SOX5: variants seen among roughly 807,000 people sequenced by gnomAD.
SOX5 encodes transcription factor SOX-5.
A neutral mutation model predicts 92.0 loss-of-function variants in SOX5; 9 were observed. The ratio of observed to expected loss-of-function variants is 0.10; its 90% confidence interval spans 0.06 to 0.17. The LOEUF is 0.17. Ranked by LOEUF, SOX5 falls within the 10% of genes least tolerant of loss-of-function variation. The probability of loss-of-function intolerance (pLI) is 1.00; values close to 1 mark genes in which losing one functional copy is unlikely to be tolerated. For synonymous variants in SOX5, 344 were observed against 336.3 expected (o/e 1.02, Z -0.25); for missense variants, 642 against 944.5 (o/e 0.68, Z 4.20).
intron 4 of SOX5, among the ~76,000 whole-genome samples, chr12:24,059,052 C>T (rs1425471038): frequency 6.6e-6 from 1 of 151,910 alleles, no homozygotes; most frequent in East Asian, 1.9e-4. Context: ...TATAACATTT[C>T]AGGGGTTTAA....
chr12:23,734,669 A>G lies in SOX5; in HGVS notation c.810+15T>C. The G allele has an allele frequency of 6.3e-7, 1 of 1,588,300 alleles. No homozygotes were observed. The highest frequency in any genetic ancestry group is 1.1e-5 in the South Asian group (1 of 89,758). On this transcript the variant is annotated intron_variant, in intron 6 of 14. Transcript: ENST00000451604. The stretch of plus-strand genomic sequence containing the variant: ...TTTTTTAAATTGTAAGTATATTGAA[A>G]TTATGATTTCTGACCTGGATCTGTT...
intron 6 of SOX5, among the ~76,000 whole-genome samples, chr12:23,717,818 ACACTGTACT>A (rs2092594922): frequency 6.6e-6 from 1 of 152,244 alleles, no homozygotes; most frequent in African/African-American, 2.4e-5. Flanking sequence ...CTTTAAGTTA[ACACTGTACT>A]GCAAAGAGAA....
At chr12:23,980,456 A>ATG (rs1410780755) in intron 4 of SOX5, among the ~76,000 whole-genome samples, 1 of 152,124 alleles carries the variant, frequency 6.6e-6, no homozygotes, top group East Asian at 1.9e-4. Flanking sequence ...TCTCAACACA[A>ATG]TGTAGTAAGA....
chr12:24,529,653 A>G (rs1336441104), intron 1 of SOX5, among the ~76,000 whole-genome samples: 2 of 152,230 alleles, frequency 1.3e-5, no homozygotes, highest in Non-Finnish European at 2.9e-5. Flanking sequence ...ACCAAAATGA[A>G]CAAAATGCAA....
chr12:24,269,867 T>TTTTTA (rs1943495305), intron 3 of SOX5, among the ~76,000 whole-genome samples: 1 of 74,862 alleles, frequency 1.3e-5, no homozygotes, highest in Admixed American at 1.8e-4. Context: ...TTTTTTTTTT[T>TTTTTA]GAGACAAGGT....
At chr12:24,435,512 T>C (rs1939235385) in intron 1 of SOX5, among the ~76,000 whole-genome samples, 1 of 152,222 alleles carries the variant, frequency 6.6e-6, no homozygotes, top group South Asian at 2.1e-4. Context: ...TTTCTACTAC[T>C]AGATTATACA....
chr12:24,266,763 A>C (rs1943075028), intron 3 of SOX5, among the ~76,000 whole-genome samples: 1 of 152,186 alleles, frequency 6.6e-6, no homozygotes, highest in Non-Finnish European at 1.5e-5. Context: ...TGTTCCGCCT[A>C]ATGTACTGCA....
intron 6 of SOX5, among the ~76,000 whole-genome samples, chr12:23,685,912 T>A (rs1349675405): frequency 5.3e-5 from 8 of 152,174 alleles, no homozygotes; most frequent in Non-Finnish European, 1.0e-4. Flanking sequence ...TTATTGACTA[T>A]CAGCTGCAGT....
intron 6 of SOX5, among the ~76,000 whole-genome samples, chr12:23,714,558 T>C (rs1382566401): frequency 1.3e-5 from 2 of 152,084 alleles, no homozygotes; most frequent in African/African-American, 2.4e-5. Context: ...GAGGCGGAGG[T>C]TGCGGTGAGC....
chr12:24,283,817 A>T (rs1945505596), intron 2 of SOX5, among the ~76,000 whole-genome samples: 1 of 152,216 alleles, frequency 6.6e-6, no homozygotes, highest in Non-Finnish European at 1.5e-5. Flanking sequence ...AAAGCCATTA[A>T]TTTATAACAG....
chr12:23,680,112 G>A (rs1305668266), intron 6 of SOX5, among the ~76,000 whole-genome samples: 16 of 151,806 alleles, frequency 1.1e-4, no homozygotes, highest in Admixed American at 1.0e-3. Flanking sequence ...CATCGCTTGA[G>A]CTCAGGAGTT....
intron 1 of SOX5, among the ~76,000 whole-genome samples, chr12:23,925,140 T>C (rs113927275): frequency 3.1e-4 from 47 of 152,144 alleles, no homozygotes; most frequent in African/African-American, 1.1e-3. Flanking sequence ...ATTTTCATAA[T>C]GTAGCTACAG....
rs550166787 is a variant in SOX5, at chr12:24,270,109, T to C, written c.-77+7107A>G. ...CAGAGTCTCACTTTGTCGTCCAGGCTGGAGTGCAGTGGCACGATCTCAGCT... is the reference window on the plus strand; with the variant it reads ...CAGAGTCTCACTTTGTCGTCCAGGCCGGAGTGCAGTGGCACGATCTCAGCT... On this transcript the variant is annotated intron_variant, in intron 3 of 4. Transcript: ENST00000446891. Among the ~76,000 whole-genome samples, 82 of 152,204 alleles carry C rather than the reference T, an allele frequency of 5.4e-4. 1 individual carries two copies. The South Asian group carries it at 0.017, about 31-fold the overall frequency.
At chr12:23,693,114 T>C (rs372237025) in intron 6 of SOX5, among the ~76,000 whole-genome samples, 1 of 9,620 alleles carries the variant, frequency 1.0e-4, no homozygotes, top group African/African-American at 1.4e-4. Flanking sequence ...TATTTTTAAT[T>C]ATTTTATTAT....
At chr12:23,765,758 C>G (rs1200737724) in intron 3 of SOX5, among the ~76,000 whole-genome samples, 4 of 152,094 alleles carry the variant, frequency 2.6e-5, no homozygotes, top group Non-Finnish European at 5.9e-5. Flanking sequence ...CTGCCATCTT[C>G]TTTATTTTGC....
intron 4 of SOX5, among the ~76,000 whole-genome samples, chr12:24,005,210 A>G (rs1173134884): frequency 6.6e-6 from 1 of 152,142 alleles, no homozygotes; most frequent in African/African-American, 2.4e-5. Context: ...ACTGAATTGT[A>G]TACATAAAAT....
chr12:23,789,405 C>T (rs2095433170), intron 3 of SOX5, among the ~76,000 whole-genome samples: 1 of 152,034 alleles, frequency 6.6e-6, no homozygotes, highest in Non-Finnish European at 1.5e-5. Context: ...GAATGGAAAT[C>T]TTCCTTTTCT....
chr12:24,017,260 C>T (rs985882396), intron 4 of SOX5, among the ~76,000 whole-genome samples: 3 of 152,186 alleles, frequency 2.0e-5, no homozygotes, highest in African/African-American at 4.8e-5. Context: ...GACAACCTGC[C>T]TCTTCTGCAC....
At chr12:24,405,804 A>G (rs1962804263) in intron 1 of SOX5, among the ~76,000 whole-genome samples, 2 of 152,212 alleles carry the variant, frequency 1.3e-5, no homozygotes, top group Admixed American at 1.3e-4. Flanking sequence ...AAAGAAATTG[A>G]GAACTATGGA....
Sources: gnomAD v4.1 joint callset for allele counts (sites outside exome capture counted in the v4.1 genomes callset) on GRCh38, gnomAD v4.1.1 for gene constraint, MANE v1.5 for transcripts, NCBI Gene and HGNC (gene_info 2026-07-23, HGNC 2026-07-21) for gene names.